ATXN10: variants seen among roughly 807,000 people sequenced by gnomAD.
ATXN10 encodes the protein ataxin 10.
A neutral mutation model predicts 52.9 loss-of-function variants in ATXN10; 28 were observed. That is an observed-to-expected ratio of 0.53 (90% CI 0.39 to 0.73). The LOEUF (loss-of-function observed/expected upper bound fraction) is 0.73. ATXN10 is among the 30% of genes least tolerant of loss of function. ATXN10 has a pLI of 0.00. For synonymous variants in ATXN10, 226 were observed against 221.5 expected (o/e 1.02, Z -0.18); for missense variants, 565 against 577.0 (o/e 0.98, Z 0.21).
At chr22:45,698,046 A>T (rs1351025467) in intron 3 of ATXN10, among the ~76,000 whole-genome samples, 1 of 152,112 alleles carries the variant, frequency 6.6e-6, no homozygotes, top group Non-Finnish European at 1.5e-5. Flanking sequence ...TTATCCATTC[A>T]TTGTTTGTTG....
intron 9 of ATXN10, among the ~76,000 whole-genome samples, chr22:45,743,807 TA>T (rs1925628313): frequency 6.6e-6 from 1 of 152,226 alleles, no homozygotes; most frequent in Non-Finnish European, 1.5e-5. Flanking sequence ...CAGGTTCTGG[TA>T]ACCACATTTT....
chr22:45,750,093 G>A lies in ATXN10; in HGVS notation c.1173+9555G>A, dbSNP rs555789827. On this transcript the variant is annotated intron_variant, in intron 9 of 11. Coordinates refer to ENST00000252934, the MANE Select transcript of ATXN10 (RefSeq NM_013236.4). This position sits in a 1 kb window ranked among gnomAD's most constrained non-coding sequence, Gnocchi z 4.2. ...TATGATCAATTTTTAGATAACAGAC[G>A]TTTTAATTTAATTTAATTTTATTTT... 1.1e-4 allele frequency among the ~76,000 whole-genome samples: 16 copies of A among 151,812 alleles called. No individual in the cohort carries two copies. The highest frequency in any genetic ancestry group is 4.2e-4 in the South Asian group (2 of 4,796).
rs1926924438 is a variant in ATXN10, at chr22:45,775,608, G to A, written c.1174-31351G>A. Among the ~76,000 whole-genome samples, 1 of 152,162 alleles carries A rather than the reference G, an allele frequency of 6.6e-6. No individual in the cohort carries two copies. Among genetic ancestry groups the A allele is most frequent in the South Asian group, 2.1e-4 (1 of 4,828 alleles). The stretch of plus-strand genomic sequence containing the variant: ...TGACTGCCAAACATGGCTTTCGTCA[G>A]TGTTAGCCTGTGTAATGACACTGTT... On this transcript the variant is annotated intron_variant, in intron 9 of 11. Transcript: ENST00000252934. This position sits in a 1 kb window ranked among gnomAD's most constrained non-coding sequence, Gnocchi z 4.7.
Position 45,727,589 on chromosome 22 carries a change from G to A in ATXN10, c.729-1836G>A, listed in dbSNP as rs974130309. ...TTGGCCAGGCTGGTCTCGAATGCCC[G>A]ATCTCAGGTGATCCCCCATCCTCGG... On this transcript the variant is annotated intron_variant, in intron 6 of 11. Coordinates refer to ENST00000252934, the MANE Select transcript of ATXN10 (RefSeq NM_013236.4). This position sits in a 1 kb window ranked among gnomAD's most constrained non-coding sequence, Gnocchi z 4.6. Among the ~76,000 whole-genome samples, 5 of 152,002 alleles carry A rather than the reference G, an allele frequency of 3.3e-5. No homozygotes were observed. The highest frequency in any genetic ancestry group is 9.7e-5 in the African/African-American group (4 of 41,378).
intron 10 of ATXN10, among the ~76,000 whole-genome samples, chr22:45,830,517 A>G (rs1234674750): frequency 6.6e-6 from 1 of 152,226 alleles, no homozygotes; most frequent in Non-Finnish European, 1.5e-5. Context: ...TAACAATAAA[A>G]CAACCTCATT....
At chr22:45,764,299 C>T (rs1352335009) in intron 9 of ATXN10, among the ~76,000 whole-genome samples, 2 of 151,886 alleles carry the variant, frequency 1.3e-5, no homozygotes, top group African/African-American at 2.4e-5. Flanking sequence ...CTCAGATTCC[C>T]TCCTGTCACA....
rs1009452266 is a variant in ATXN10 at position 45,683,863 on chromosome 22, A to G, written c.117-5849A>G. Among the ~76,000 whole-genome samples, 3 of 152,188 alleles carry G rather than the reference A, an allele frequency of 2.0e-5. No homozygotes were observed. The highest frequency in any genetic ancestry group is 4.1e-4 in the South Asian group (2 of 4,836). On this transcript the variant is annotated intron_variant, in intron 1 of 11. Transcript: ENST00000252934. This position sits in a 1 kb window ranked among gnomAD's most constrained non-coding sequence, Gnocchi z 4.8. ...ATTTACCAAGTTACCATGTATACAC[A>G]GTTCTGCTCTTGGGCTGTCTTTTCC...
Position 45,683,828 on chromosome 22 carries a change from G to A in ATXN10, c.117-5884G>A, listed in dbSNP as rs555688254. Among the ~76,000 whole-genome samples, 2 of 152,282 alleles carry A rather than the reference G, an allele frequency of 1.3e-5. No homozygotes were observed. Among genetic ancestry groups the A allele is most frequent in the East Asian group, 3.9e-4 (2 of 5,180 alleles). On this transcript the variant is annotated intron_variant, in intron 1 of 11. Coordinates refer to ENST00000252934, the MANE Select transcript of ATXN10 (RefSeq NM_013236.4). This position sits in a 1 kb window ranked among gnomAD's most constrained non-coding sequence, Gnocchi z 4.8. ...TCTTCCCCAGGTCTTTAATGCTATTGATAGATGCCATTTACCAAGTTACCA... is the reference window on the plus strand; with the variant it reads ...TCTTCCCCAGGTCTTTAATGCTATTAATAGATGCCATTTACCAAGTTACCA...
intron 9 of ATXN10, among the ~76,000 whole-genome samples, chr22:45,802,311 C>A (rs1042238288): frequency 2.0e-5 from 3 of 152,170 alleles, no homozygotes; most frequent in African/African-American, 7.2e-5. Flanking sequence ...AGTAAAGAAA[C>A]AAACAACTTT....
intron 6 of ATXN10, among the ~76,000 whole-genome samples, chr22:45,725,498 T>G (rs1220558007): frequency 6.6e-6 from 1 of 152,092 alleles, no homozygotes; most frequent in Non-Finnish European, 1.5e-5. Context: ...TGCTACTGAT[T>G]TGTGTACATT....
intron 9 of ATXN10, among the ~76,000 whole-genome samples, chr22:45,800,155 C>G (rs1425275973): frequency 6.6e-6 from 1 of 152,054 alleles, no homozygotes; most frequent in Non-Finnish European, 1.5e-5. Context: ...AGTCAATGCT[C>G]TTTGAAACGT....
chr22:45,755,442 G>A (rs111884888), intron 9 of ATXN10, among the ~76,000 whole-genome samples: 2,091 of 152,294 alleles, frequency 0.014, 29 homozygotes, highest in South Asian at 0.022. Flanking sequence ...AAGAAGAGGT[G>A]TGAAGGTTCT....
At chr22:45,799,973 C>T (rs1927877301) in intron 9 of ATXN10, among the ~76,000 whole-genome samples, 1 of 152,096 alleles carries the variant, frequency 6.6e-6, no homozygotes, top group African/African-American at 2.4e-5. Context: ...AGAACCTAGA[C>T]TCTTAATTTA....
At chr22:45,834,730 G>A (rs555104880) in intron 10 of ATXN10, among the ~76,000 whole-genome samples, 2 of 152,326 alleles carry the variant, frequency 1.3e-5, no homozygotes, top group East Asian at 3.9e-4. Flanking sequence ...CAGTAAGATA[G>A]GAGTCTGAGC....
chr22:45,695,128 A>AGACCAT, intron 3 of ATXN10, among the ~76,000 whole-genome samples: 2 of 151,632 alleles, frequency 1.3e-5, no homozygotes, highest in Middle Eastern at 6.8e-3. Context: ...CAGGAGATCT[A>AGACCAT]CCTGGCTAAC....
At chr22:45,682,046 A>G (rs1354420687) in intron 1 of ATXN10, among the ~76,000 whole-genome samples, 2 of 152,192 alleles carry the variant, frequency 1.3e-5, no homozygotes, top group Non-Finnish European at 2.9e-5. Context: ...ACATTGCTCC[A>G]GCAGTCTTCT....
rs1925004743 is a variant in ATXN10, at chr22:45,729,525, A to G, written c.829A>G (p.Ser277Gly). ...VFLRHAELIA[S>G]TFVDQCKTVL... ...TTTGCGGCATGCTGAGTTGATTGCA[A>G]GCACCTTTGTGGATCAGTGCAAGAC... is the stretch of plus-strand genomic sequence containing the variant. Residue 277 changes from serine to glycine, a missense_variant, in exon 7 of 12, where the codon AGC becomes GGC. Coordinates refer to ENST00000252934, the MANE Select transcript of ATXN10 (RefSeq NM_013236.4). 4 of 1,614,060 alleles carry G rather than the reference A, an allele frequency of 2.5e-6. No homozygotes were observed. The highest frequency in any genetic ancestry group is 2.2e-5 in the South Asian group (2 of 91,092).
At chr22:45,797,407 T>C (rs1023440330) in intron 9 of ATXN10, among the ~76,000 whole-genome samples, 1 of 152,176 alleles carries the variant, frequency 6.6e-6, no homozygotes, top group Non-Finnish European at 1.5e-5. Flanking sequence ...CTATAAAATA[T>C]CTCTAATATC....
At chr22:45,747,652 A>C (rs1171225470) in intron 9 of ATXN10, among the ~76,000 whole-genome samples, 1 of 152,214 alleles carries the variant, frequency 6.6e-6, no homozygotes, top group Non-Finnish European at 1.5e-5. Flanking sequence ...TTTAGAGTTC[A>C]GTAAACTCAG....
Sources: gnomAD v4.1 joint callset for allele counts (sites outside exome capture counted in the v4.1 genomes callset) on GRCh38, gnomAD v4.1.1 for gene constraint, Gnocchi (gnomAD v3.1) non-coding constraint, MANE v1.5 for transcripts, NCBI Gene and HGNC (gene_info 2026-07-23, HGNC 2026-07-21) for gene names.